The following PTPRR variants were observed in gnomAD, a reference collection of about 807,000 sequenced individuals.
PTPRR encodes the protein protein tyrosine phosphatase receptor type R.
A neutral mutation model predicts 77.2 loss-of-function variants in PTPRR; 38 were observed. The observed-to-expected ratio is 0.49, with a 90% CI of 0.38 to 0.65. The LOEUF is 0.65. PTPRR is among the 30% of genes least tolerant of loss of function. The pLI, the probability that PTPRR is intolerant of heterozygous loss-of-function variation, is 0.00. For synonymous variants in PTPRR, 299 were observed against 283.1 expected (o/e 1.06, Z -0.57); for missense variants, 744 against 799.2 (o/e 0.93, Z 0.83).
intron 10 of PTPRR, among the ~76,000 whole-genome samples, chr12:70,674,251 CTTTGT>C (rs1887358359): frequency 6.6e-6 from 1 of 152,070 alleles, no homozygotes; most frequent in Non-Finnish European, 1.5e-5. Flanking sequence ...ATCCTTTTAT[CTTTGT>C]TTTATGTTTA....
At chr12:70,724,992 T>A (rs1210591527) in intron 6 of PTPRR, among the ~76,000 whole-genome samples, 1 of 152,146 alleles carries the variant, frequency 6.6e-6, no homozygotes, top group Admixed American at 6.6e-5. Context: ...GCTGGAGAAA[T>A]ATTGAAATCT....
At chr12:70,652,356 G>T (rs1056411188) in intron 13 of PTPRR, among the ~76,000 whole-genome samples, 3 of 152,154 alleles carry the variant, frequency 2.0e-5, no homozygotes, top group African/African-American at 7.2e-5. Flanking sequence ...TAGGTTTTCT[G>T]TTCTGCTTTT....
At chr12:70,655,420 G>A (rs1169233322) in intron 13 of PTPRR, among the ~76,000 whole-genome samples, 2 of 152,108 alleles carry the variant, frequency 1.3e-5, no homozygotes, top group East Asian at 1.9e-4. Context: ...TTGAAAACAG[G>A]GTCTTGAACA....
chr12:70,822,970 T>TA (rs921448097), intron 2 of PTPRR, among the ~76,000 whole-genome samples: 2 of 150,872 alleles, frequency 1.3e-5, no homozygotes, highest in African/African-American at 2.4e-5. Context: ...AAAGCCCAAT[T>TA]AAAAAAAAAG....
At chr12:70,873,566 A>T (rs1022416972) in intron 2 of PTPRR, among the ~76,000 whole-genome samples, 3 of 152,110 alleles carry the variant, frequency 2.0e-5, no homozygotes, top group Admixed American at 6.6e-5. Flanking sequence ...GAACTGAGGG[A>T]TTTTCTCACT....
At chr12:70,706,507 T>G (rs578115683) in intron 6 of PTPRR, among the ~76,000 whole-genome samples, 29 of 152,146 alleles carry the variant, frequency 1.9e-4, no homozygotes, top group Non-Finnish European at 4.0e-4. Context: ...AAGAAAATCT[T>G]TTAACATAGA....
At chr12:70,815,761 T>C (rs2458438) in intron 2 of PTPRR, among the ~76,000 whole-genome samples, 30,958 of 151,982 alleles carry the variant, frequency 0.2, 5,015 homozygotes, top group African/African-American at 0.45. Flanking sequence ...ATTGATTAAC[T>C]CACTAACATT....
At chr12:70,694,947 CTACT>C (rs1888180567) in intron 8 of PTPRR, among the ~76,000 whole-genome samples, 1 of 151,856 alleles carries the variant, frequency 6.6e-6, no homozygotes, top group South Asian at 2.1e-4. Flanking sequence ...TTTTTTCCTA[CTACT>C]TTTGTGATTT....
intron 13 of PTPRR, among the ~76,000 whole-genome samples, chr12:70,656,047 A>AC (rs1220082405): frequency 6.7e-6 from 1 of 149,932 alleles, no homozygotes; most frequent in African/African-American, 2.5e-5. Flanking sequence ...CCCTGTCTCT[A>AC]CAAAAAAAAA....
chr12:70,900,720 A>G (rs527437383), intron 1 of PTPRR, among the ~76,000 whole-genome samples: 1 of 151,792 alleles, frequency 6.6e-6, no homozygotes, highest in African/African-American at 2.4e-5. Flanking sequence ...AAAGATTTGA[A>G]CAGATATTTC....
chr12:70,678,543 G>A (rs550565320), intron 10 of PTPRR, among the ~76,000 whole-genome samples: 4 of 151,962 alleles, frequency 2.6e-5, no homozygotes, highest in South Asian at 4.1e-4. Context: ...AGTTTTGTCA[G>A]TTTTATGTTT....
intron 2 of PTPRR, among the ~76,000 whole-genome samples, chr12:70,889,736 T>C (rs1003691120): frequency 3.9e-5 from 6 of 152,086 alleles, no homozygotes; most frequent in Non-Finnish European, 8.8e-5. Flanking sequence ...TCCCCCCGCT[T>C]CTTTTTCCCT....
chr12:70,709,782 G>C (rs948313863), intron 6 of PTPRR, among the ~76,000 whole-genome samples: 5 of 152,086 alleles, frequency 3.3e-5, no homozygotes, highest in Non-Finnish European at 4.4e-5. Context: ...CAGCTAACTA[G>C]GGAGATGAAA....
At chr12:70,878,152 C>T (rs936881248) in intron 2 of PTPRR, among the ~76,000 whole-genome samples, 14 of 152,036 alleles carry the variant, frequency 9.2e-5, no homozygotes, top group Admixed American at 1.3e-4. Context: ...AAACCCTAGA[C>T]GAAAACCTAG....
chr12:70,640,780 T>C (rs1205672298), intron 13 of PTPRR, among the ~76,000 whole-genome samples: 2 of 152,234 alleles, frequency 1.3e-5, no homozygotes, highest in African/African-American at 4.8e-5. Context: ...GGCTTCTATG[T>C]TTATTTGTCA....
intron 3 of PTPRR, among the ~76,000 whole-genome samples, chr12:70,763,238 C>T (rs1011482658): frequency 6.6e-6 from 1 of 152,042 alleles, no homozygotes; most frequent in Non-Finnish European, 1.5e-5. Flanking sequence ...AAGTGATTCT[C>T]CTGCCTCAGC....
chr12:70,714,934 G>A (rs1251752896), intron 6 of PTPRR, among the ~76,000 whole-genome samples: 5 of 152,148 alleles, frequency 3.3e-5, no homozygotes, highest in Admixed American at 6.6e-5. Flanking sequence ...ACAGTGAGCC[G>A]TGATCACGCT....
intron 4 of PTPRR, among the ~76,000 whole-genome samples, chr12:70,756,193 A>C (rs1474038851): frequency 6.6e-6 from 1 of 152,084 alleles, no homozygotes; most frequent in Non-Finnish European, 1.5e-5. Flanking sequence ...TTTCTGCTTA[A>C]GACAAACCTG....
At chr12:70,808,382 C>T (rs1044621511) in intron 2 of PTPRR, among the ~76,000 whole-genome samples, 1 of 152,134 alleles carries the variant, frequency 6.6e-6, no homozygotes, top group Non-Finnish European at 1.5e-5. Flanking sequence ...CATGTGATCT[C>T]TGTGACCCAC....
Sources: allele counts gnomAD v4.1 joint callset (sites outside exome capture counted in the v4.1 genomes callset), GRCh38; gene constraint gnomAD v4.1.1; transcripts MANE v1.5; gene names NCBI Gene and HGNC (gene_info 2026-07-23, HGNC 2026-07-21).